RYR2: variants seen among roughly 807,000 people sequenced by gnomAD.
RYR2 encodes cardiac muscle ryanodine receptor-calcium release channel.
In RYR2, 227 loss-of-function variants were observed where a neutral mutation model predicts 601.1. The observed-to-expected ratio is 0.38, with a 90% confidence interval of 0.34 to 0.42. The LOEUF is 0.42. Among genes scored for constraint, RYR2 ranks in the 10% least tolerant of loss-of-function variants. The probability of loss-of-function intolerance (pLI) is 1.00; values close to 1 mark genes in which losing one functional copy is unlikely to be tolerated. For missense variants in RYR2, 4,646 were observed against 6,156.5 expected (o/e 0.75, Z 8.21); for synonymous variants, 2,223 against 2,175.1 (o/e 1.02, Z -0.61).
At chr1:237,115,775 C>T (rs1670009859) in intron 1 of RYR2, among the ~76,000 whole-genome samples, 1 of 152,104 alleles carries the variant, frequency 6.6e-6, no homozygotes, top group Non-Finnish European at 1.5e-5. Context: ...AAAACTGCAA[C>T]GTTCACTTAA....
chr1:237,760,383 A>AAG (rs55938243), intron 83 of RYR2, among the ~76,000 whole-genome samples: 1 of 149,682 alleles, frequency 6.7e-6, no homozygotes, highest in Non-Finnish European at 1.5e-5. Context: ...AAAAAAAAAA[A>AAG]GCCTTCCCCG....
intron 27 of RYR2, among the ~76,000 whole-genome samples, chr1:237,564,385 T>A (rs1236210759): frequency 1.3e-5 from 2 of 152,128 alleles, no homozygotes; most frequent in Non-Finnish European, 2.9e-5. Context: ...GTTCTCCTGC[T>A]CAGCCTCCCA....
chr1:237,236,059 G>A lies in RYR2; in HGVS notation c.49-34438G>A, dbSNP rs144447545. Among the ~76,000 whole-genome samples, 405 of 152,170 alleles carry A rather than the reference G, an allele frequency of 2.7e-3. 2 individuals carry two copies. Among genetic ancestry groups the A allele is most frequent in the African/African-American group, 9.3e-3 (386 of 41,534 alleles). ...TACTTCTTTTCCACAGTACGCAATCGTCCATGTATTTTTCAAAACAACAGT... is the reference window on the plus strand; with the variant it reads ...TACTTCTTTTCCACAGTACGCAATCATCCATGTATTTTTCAAAACAACAGT... On this transcript the variant is annotated intron_variant, in intron 1 of 104. Coordinates refer to ENST00000366574, the MANE Select transcript of RYR2 (RefSeq NM_001035.3).
intron 3 of RYR2, among the ~76,000 whole-genome samples, chr1:237,349,813 A>G (rs1025988307): frequency 6.6e-6 from 1 of 152,190 alleles, no homozygotes; most frequent in African/African-American, 2.4e-5. Context: ...AAAATGCAAT[A>G]TCAAGATATT....
chr1:237,430,869 G>T (rs949196259), intron 12 of RYR2, among the ~76,000 whole-genome samples: 19 of 152,164 alleles, frequency 1.2e-4, no homozygotes, highest in Admixed American at 1.1e-3. Flanking sequence ...TTAGAATAGG[G>T]CTCATATTTG....
At chr1:237,088,911 T>A (rs1306032410) in intron 1 of RYR2, among the ~76,000 whole-genome samples, 1 of 152,248 alleles carries the variant, frequency 6.6e-6, no homozygotes. Context: ...TTCCAGTACT[T>A]ACAAAGCCAA....
At chr1:237,516,639 C>CATCAGAA (rs1666577287) in intron 24 of RYR2, among the ~76,000 whole-genome samples, 1 of 152,172 alleles carries the variant, frequency 6.6e-6, no homozygotes, top group Non-Finnish European at 1.5e-5. Context: ...CCCCTGGATG[C>CATCAGAA]ATCAGAAGTG....
intron 25 of RYR2, among the ~76,000 whole-genome samples, chr1:237,535,607 G>T (rs1181149481): frequency 1.3e-5 from 2 of 151,888 alleles, no homozygotes; most frequent in Non-Finnish European, 2.9e-5. Flanking sequence ...CTGATGATAT[G>T]ATTTTCATAT....
chr1:237,610,796 G>A lies in RYR2; in HGVS notation c.4718G>A (p.Ser1573Asn), dbSNP rs776893934. ...VMPLSAGLFK[S>N]EHKNPVPQCP... ...CCTCTCTCGGCGGGATTATTCAAGA[G>A]TGAGCACAAGAACCCCGTGCCGCAG... Residue 1573 changes from serine (S) to asparagine (N), a missense_variant, in exon 36 of 105, where the codon AGT (serine) becomes AAT (asparagine). Around this residue, in one of 17 missense-constraint regions of RYR2, gnomAD observed 1,807 missense variants for 2,088.1 expected, o/e 0.87. Coordinates refer to ENST00000366574, the MANE Select transcript of RYR2 (RefSeq NM_001035.3). This position sits in a 1 kb window ranked among gnomAD's most constrained non-coding sequence, Gnocchi z 4.9. 1 of 1,609,564 alleles carries A rather than the reference G, an allele frequency of 6.2e-7. No individual in the cohort carries two copies. Among genetic ancestry groups the A allele is most frequent in the Non-Finnish European group, 8.5e-7 (1 of 1,178,292 alleles).
At chr1:237,487,060 T>C (rs1443762370) in intron 17 of RYR2, among the ~76,000 whole-genome samples, 1 of 152,188 alleles carries the variant, frequency 6.6e-6, no homozygotes, top group African/African-American at 2.4e-5. Flanking sequence ...ATTTGTAGTA[T>C]ATTTATAATT....
rs1667213043 is a variant in RYR2, at chr1:237,093,724, G to C, written c.48+51155G>C. ...GATCTTAATGAGCAGCTAGAGTATT[G>C]GCAGGCGTGGGATCCCAGAGGCCAG... On this transcript the variant is annotated intron_variant, in intron 1 of 104. Coordinates refer to ENST00000366574, the MANE Select transcript of RYR2 (RefSeq NM_001035.3). 3.3e-5 allele frequency among the ~76,000 whole-genome samples: 5 copies of C among 152,280 alleles called. No individual in the cohort carries two copies. The South Asian group carries it at 1.0e-3, about 32-fold the overall frequency.
At position 237,303,292 on chromosome 1, in the gene RYR2, C is replaced by CTTTTTT. The variant is rs386370109; in HGVS notation, c.169-27566_169-27561dup. On this transcript the variant is annotated intron_variant, in intron 2 of 104. Transcript: ENST00000366574. Reference sequence around the variant, plus strand: ...CATATGAAGATAGCTCTGCGGTTATCTTTTTTTTTTTTTTTTTTTTTTTTT... The same window carrying CTTTTTT: ...CATATGAAGATAGCTCTGCGGTTATCTTTTTTTTTTTTTTTTTTTTTTTTTTTTTTT... 3.0e-4 allele frequency among the ~76,000 whole-genome samples: 26 copies of CTTTTTT among 85,246 alleles called. 1 individual carries two copies. Among genetic ancestry groups the CTTTTTT allele is most frequent in the Non-Finnish European group, 3.7e-4 (17 of 45,956 alleles). 55.9% of individuals were successfully genotyped at this position (85,246 alleles called of 152,430 possible). A position where few individuals can be genotyped will look rare whatever the true frequency, so the allele number is the denominator to read the frequency against.
At chr1:237,309,287 G>A (rs550545133) in intron 2 of RYR2, among the ~76,000 whole-genome samples, 284 of 150,404 alleles carry the variant, frequency 1.9e-3, no homozygotes, top group African/African-American at 6.7e-3. Flanking sequence ...AGACATAAAG[G>A]TTCTCCAAGT....
intron 22 of RYR2, among the ~76,000 whole-genome samples, chr1:237,506,266 A>G (rs911313576): frequency 4.6e-5 from 7 of 151,832 alleles, no homozygotes; most frequent in East Asian, 3.9e-4. Flanking sequence ...GGCTGGGCGC[A>G]GTGGCTCACG....
At chr1:237,116,153 A>G (rs922634920) in intron 1 of RYR2, among the ~76,000 whole-genome samples, 1 of 152,138 alleles carries the variant, frequency 6.6e-6, no homozygotes, top group Admixed American at 6.6e-5. Context: ...GAATCCCTGC[A>G]GGGAGGGGAG....
At chr1:237,177,698 T>C (rs1678210892) in intron 1 of RYR2, among the ~76,000 whole-genome samples, 1 of 152,204 alleles carries the variant, frequency 6.6e-6, no homozygotes, top group South Asian at 2.1e-4. Flanking sequence ...GAACTACTGT[T>C]GATGGTCATT....
intron 1 of RYR2, among the ~76,000 whole-genome samples, chr1:237,065,759 G>T (rs1350432066): frequency 2.0e-5 from 3 of 152,186 alleles, no homozygotes; most frequent in Non-Finnish European, 4.4e-5. Flanking sequence ...GTAAAGAAAA[G>T]AGGTTTAATT....
At chr1:237,746,159 C>T (rs1244427935) in intron 80 of RYR2, among the ~76,000 whole-genome samples, 1 of 152,096 alleles carries the variant, frequency 6.6e-6, no homozygotes, top group African/African-American at 2.4e-5. Context: ...CATACTTTTA[C>T]ATTGAGATGT....
At chr1:237,108,535 A>G (rs1446236713) in intron 1 of RYR2, among the ~76,000 whole-genome samples, 1 of 152,250 alleles carries the variant, frequency 6.6e-6, no homozygotes, top group Non-Finnish European at 1.5e-5. Flanking sequence ...CAACCAAAAC[A>G]GAGAACAGGG....
Sources: gnomAD v4.1 joint callset for allele counts (sites outside exome capture counted in the v4.1 genomes callset) on GRCh38, gnomAD v4.1.1 for gene constraint, gnomAD v4.1.1 regional missense constraint, Gnocchi (gnomAD v3.1) non-coding constraint, MANE v1.5 for transcripts, NCBI Gene and HGNC (gene_info 2026-07-23, HGNC 2026-07-21) for gene names.